The following PDE11A variants were observed in gnomAD, a reference collection of about 807,000 sequenced individuals.
The protein encoded by PDE11A is dual 3',5'-cyclic-AMP and -GMP phosphodiesterase 11A.
A neutral mutation model predicts 100.5 loss-of-function variants in PDE11A; 100 were observed. The ratio of observed to expected loss-of-function variants is 1.00; its 90% CI spans 0.85 to 1.18. PDE11A has a LOEUF of 1.18. Among genes scored for constraint, PDE11A ranks in the 50% most tolerant of loss-of-function variants. PDE11A has a pLI of 0.00. For synonymous variants in PDE11A, 381 were observed against 420.8 expected, an observed-to-expected ratio of 0.91 and a Z score of 1.16; for missense variants, 1,141 against 1,152.6, an observed-to-expected ratio of 0.99 and a Z score of 0.15.
chr2:177,684,920 A>AAG (rs1196052621), intron 15 of PDE11A, among the ~76,000 whole-genome samples: 2 of 152,178 alleles, frequency 1.3e-5, no homozygotes, highest in Non-Finnish European at 2.9e-5. Context: ...AGCACAGAGG[A>AAG]AGGCACTTTG....
intron 4 of PDE11A, among the ~76,000 whole-genome samples, chr2:177,886,714 T>TA (rs1409694902): frequency 1.3e-4 from 20 of 152,330 alleles, no homozygotes; most frequent in African/African-American, 4.8e-4. Flanking sequence ...TTTCTAATTA[T>TA]AAAAGTAGTG....
intron 17 of PDE11A, among the ~76,000 whole-genome samples, chr2:177,672,737 C>G (rs1357232618): frequency 1.3e-5 from 2 of 152,058 alleles, no homozygotes; most frequent in South Asian, 4.1e-4. Flanking sequence ...AGGCTTATAA[C>G]CAGGAATGAA....
At chr2:177,712,593 G>C (rs1477295361) in intron 12 of PDE11A, among the ~76,000 whole-genome samples, 3 of 152,254 alleles carry the variant, frequency 2.0e-5, no homozygotes, top group Non-Finnish European at 2.9e-5. Flanking sequence ...GTGGTAGCTT[G>C]CTGGTGAAAT....
At chr2:177,998,673 T>C (rs533290440) in intron 2 of PDE11A, 13 of 1,211,620 alleles carry the variant, frequency 1.1e-5, no homozygotes, top group Non-Finnish European at 1.5e-5. Context: ...TTTCACACCA[T>C]CCAGTATCAC....
chr2:177,787,382 A>G lies in PDE11A; in HGVS notation c.1738-18009T>C, dbSNP rs1364912134. 1.4e-4 allele frequency among the ~76,000 whole-genome samples: 21 copies of G among 151,474 alleles called. No individual in the cohort carries two copies. In the South Asian group the frequency reaches 3.8e-3, roughly 27 times the overall value. On this transcript the variant is annotated intron_variant, in intron 9 of 19. Transcript: ENST00000286063. ...CAGGCCTGCCCTAAAAGAGCTCCTG[A>G]AGGAAGCACTAAACATGGAAAGGAA... is the stretch of plus-strand genomic sequence containing the variant.
rs972085650 is a variant in PDE11A at position 177,998,754 on chromosome 2, T to A, written c.1071+15548A>T. The A allele has an allele frequency of 8.6e-6, 7 of 816,310 alleles. No individual in the cohort carries two copies. In the African/African-American group the frequency reaches 1.2e-4, roughly 14 times the overall value. 50.6% of individuals were successfully genotyped at this position (816,310 alleles called of 1,614,324 possible). A position where few individuals can be genotyped will look rare whatever the true frequency, so the allele number is the denominator to read the frequency against. ...CATGATGCCATAGTTGCCGTAAAGCTCCTCTACCATCGGCATGGTGAGCGA... is the reference window on the plus strand; with the variant it reads ...CATGATGCCATAGTTGCCGTAAAGCACCTCTACCATCGGCATGGTGAGCGA... On this transcript the variant is annotated intron_variant, in intron 2 of 19. Transcript: ENST00000286063.
chr2:177,702,166 C>T (rs951541520), intron 13 of PDE11A, among the ~76,000 whole-genome samples: 33 of 151,946 alleles, frequency 2.2e-4, no homozygotes, highest in African/African-American at 7.7e-4. Flanking sequence ...GTAGAACAAC[C>T]CATTCCTTAA....
intron 9 of PDE11A, among the ~76,000 whole-genome samples, chr2:177,775,850 C>T (rs1558932581): frequency 6.6e-6 from 1 of 152,130 alleles, no homozygotes; most frequent in Non-Finnish European, 1.5e-5. Context: ...ATGCCACTTG[C>T]ACAATTGGAG....
chr2:178,007,695 C>CATTT (rs1440711241), intron 2 of PDE11A, among the ~76,000 whole-genome samples: 32 of 151,950 alleles, frequency 2.1e-4, no homozygotes, highest in Admixed American at 3.3e-4. Context: ...TTATTATTTT[C>CATTT]ATTTATTTAT....
At chr2:177,650,843 C>G (rs2080298121) in intron 19 of PDE11A, among the ~76,000 whole-genome samples, 1 of 152,078 alleles carries the variant, frequency 6.6e-6, no homozygotes, top group African/African-American at 2.4e-5. Flanking sequence ...CAGGTATGCA[C>G]CTAGTTAATT....
chr2:177,840,119 G>A (rs1413585467), intron 6 of PDE11A, 132 bp downstream of exon 6: 3 of 884,446 alleles, frequency 3.4e-6, no homozygotes, highest in East Asian at 2.6e-5. Flanking sequence ...TCAACAGTAG[G>A]CAATGCTAAA....
chr2:177,639,764 T>C (rs2080111470), intron 19 of PDE11A, among the ~76,000 whole-genome samples: 1 of 152,116 alleles, frequency 6.6e-6, no homozygotes, highest in Admixed American at 6.5e-5. Context: ...CAGTTACCTC[T>C]TGGAACCCAG....
chr2:177,997,940 C>T, intron 2 of PDE11A: 2 of 1,248,800 alleles, frequency 1.6e-6, no homozygotes, highest in South Asian at 2.4e-5. Context: ...TCAAGACCTT[C>T]CACTGCGGTA....
chr2:177,946,245 C>G (rs2085426952), intron 2 of PDE11A, among the ~76,000 whole-genome samples: 3 of 121,978 alleles, frequency 2.5e-5, no homozygotes, highest in Non-Finnish European at 3.8e-5. Context: ...GGTCAGCCCC[C>G]CGCCCGGCCA....
chr2:178,001,335 G>A (rs1379787503), intron 2 of PDE11A, among the ~76,000 whole-genome samples: 3 of 145,540 alleles, frequency 2.1e-5, no homozygotes, highest in Non-Finnish European at 4.5e-5. Context: ...TGCCATCAAG[G>A]AGCAGACAGT....
At chr2:178,022,013 G>A (rs953944840) in intron 1 of PDE11A, among the ~76,000 whole-genome samples, 8 of 152,140 alleles carry the variant, frequency 5.3e-5, no homozygotes, top group African/African-American at 1.4e-4. Flanking sequence ...TAGAGGAAGC[G>A]AGGGGTCACT....
chr2:177,993,666 G>A (rs755949232), intron 2 of PDE11A, among the ~76,000 whole-genome samples: 1 of 151,930 alleles, frequency 6.6e-6, no homozygotes, highest in Non-Finnish European at 1.5e-5. Context: ...CATCAAATGG[G>A]GGTACTCTTT....
chr2:177,685,855 T>C (rs997940055), intron 15 of PDE11A, among the ~76,000 whole-genome samples: 1 of 152,134 alleles, frequency 6.6e-6, no homozygotes, highest in Non-Finnish European at 1.5e-5. Flanking sequence ...GTGTGAGCCA[T>C]CGTGCTGGCC....
intron 7 of PDE11A, among the ~76,000 whole-genome samples, chr2:177,818,253 T>C (rs1366812605): frequency 1.4e-5 from 2 of 145,892 alleles, no homozygotes; most frequent in Non-Finnish European, 3.0e-5. Context: ...GCTGAATATG[T>C]GTGTGTATTC....
Sources: allele counts gnomAD v4.1 joint callset (sites outside exome capture counted in the v4.1 genomes callset), GRCh38; gene constraint gnomAD v4.1.1; transcripts MANE v1.5; gene names NCBI Gene and HGNC (gene_info 2026-07-23, HGNC 2026-07-21).